MIPEP: variants seen among roughly 807,000 people sequenced by gnomAD.
MIPEP encodes the protein mitochondrial intermediate peptidase.
In MIPEP, 79 loss-of-function variants were observed where a neutral mutation model predicts 90.3. That is an observed-to-expected ratio of 0.87 (90% CI 0.73 to 1.05). MIPEP has a LOEUF of 1.05. MIPEP is among the 50% of genes least tolerant of loss of function. MIPEP has a pLI of 0.00. For missense variants in MIPEP, 940 were observed against 905.6 expected (o/e 1.04, Z -0.49); for synonymous variants, 334 against 315.8 (o/e 1.06, Z -0.61).
chr13:23,742,992 G>T (rs533459700), intron 18 of MIPEP, among the ~76,000 whole-genome samples: 1 of 152,248 alleles, frequency 6.6e-6, no homozygotes, highest in African/African-American at 2.4e-5. Flanking sequence ...TTTAAAAAGA[G>T]ATCAGAAATC....
At chr13:23,773,263 C>T (rs950386179) in intron 16 of MIPEP, among the ~76,000 whole-genome samples, 1 of 152,114 alleles carries the variant, frequency 6.6e-6, no homozygotes, top group Non-Finnish European at 1.5e-5. Context: ...TCGCACCGAG[C>T]GTAATGTTTT....
intron 18 of MIPEP, among the ~76,000 whole-genome samples, chr13:23,745,961 C>T (rs1046032950): frequency 2.7e-5 from 4 of 150,416 alleles, no homozygotes; most frequent in African/African-American, 7.3e-5. Flanking sequence ...TAGAACCAGA[C>T]GTTTGGGGAT....
At chr13:23,808,248 G>A (rs1275368862) in intron 15 of MIPEP, among the ~76,000 whole-genome samples, 1 of 151,986 alleles carries the variant, frequency 6.6e-6, no homozygotes, top group African/African-American at 2.4e-5. Flanking sequence ...ATAGGCGCCT[G>A]CCACCACGCC....
chr13:23,824,776 A>T (rs995993895), intron 14 of MIPEP, among the ~76,000 whole-genome samples: 2 of 152,268 alleles, frequency 1.3e-5, no homozygotes, highest in African/African-American at 4.8e-5. Flanking sequence ...CACAGGAAAT[A>T]CTACTTTTCA....
At chr13:23,850,109 G>A (rs534138858) in intron 10 of MIPEP, among the ~76,000 whole-genome samples, 4 of 152,304 alleles carry the variant, frequency 2.6e-5, no homozygotes, top group African/African-American at 9.6e-5. Flanking sequence ...CCTGCCGGAG[G>A]GCACGTGTGG....
At chr13:23,751,775 C>A (rs1297671379) in intron 18 of MIPEP, among the ~76,000 whole-genome samples, 1 of 152,122 alleles carries the variant, frequency 6.6e-6, no homozygotes, top group Non-Finnish European at 1.5e-5. Context: ...TCCATCAGGA[C>A]CCCCATGGCT....
At chr13:23,746,723 C>G (rs1952388428) in intron 18 of MIPEP, among the ~76,000 whole-genome samples, 1 of 151,824 alleles carries the variant, frequency 6.6e-6, no homozygotes. Context: ...CCATTCAGCA[C>G]TCAAAGCACT....
intron 16 of MIPEP, among the ~76,000 whole-genome samples, chr13:23,800,564 G>T (rs1412730335): frequency 6.6e-6 from 1 of 152,124 alleles, no homozygotes; most frequent in Non-Finnish European, 1.5e-5. Flanking sequence ...ACTGTTAGAT[G>T]GAATAGCAAG....
At position 23,849,482 on chromosome 13, in the gene MIPEP, A is replaced by G. The variant is rs1483851180; in HGVS notation, c.1107-7994T>C. On this transcript the variant is annotated intron_variant, in intron 10 of 18. Transcript: ENST00000382172. ...CTAGAACCCTTTGATTCCTCTGAAG[A>G]AAGAAAGTGGAAGAAAATTGTGTTA... 2.0e-5 allele frequency among the ~76,000 whole-genome samples: 3 copies of G among 152,368 alleles called. No homozygotes were observed. In the East Asian group the frequency reaches 5.8e-4, roughly 29 times the overall value.
chr13:23,821,755 A>G (rs568171596), intron 14 of MIPEP, among the ~76,000 whole-genome samples: 9 of 152,348 alleles, frequency 5.9e-5, no homozygotes, highest in Admixed American at 4.6e-4. Flanking sequence ...CTAGATGCAT[A>G]TCCTCTTATA....
chr13:23,778,203 T>A (rs2053411868), intron 16 of MIPEP, among the ~76,000 whole-genome samples: 1 of 152,174 alleles, frequency 6.6e-6, no homozygotes, highest in Non-Finnish European at 1.5e-5. Context: ...AATCAGCAAG[T>A]ATTTCAAAGC....
rs186568593 is a variant in MIPEP, at chr13:23,770,821, C to T, written c.1849-10604G>A. ...CTAATGAGTTTGTATTGTCCCTTTACAGTCTTCATAGAGAAAACTGGAGAG... is the reference window on the plus strand; with the variant it reads ...CTAATGAGTTTGTATTGTCCCTTTATAGTCTTCATAGAGAAAACTGGAGAG... On this transcript the variant is annotated intron_variant, in intron 16 of 18. Coordinates refer to ENST00000382172, the MANE Select transcript of MIPEP (RefSeq NM_005932.4). Among the ~76,000 whole-genome samples, 328 of 152,358 alleles carry T rather than the reference C, an allele frequency of 2.2e-3. 4 individuals carry two copies. The highest frequency in any genetic ancestry group is 7.5e-3 in the African/African-American group (311 of 41,576).
intron 16 of MIPEP, among the ~76,000 whole-genome samples, chr13:23,793,586 C>T (rs1404412220): frequency 2.6e-5 from 4 of 152,016 alleles, no homozygotes; most frequent in African/African-American, 9.7e-5. Context: ...ATACTACTAA[C>T]TGTTCAGGGC....
intron 14 of MIPEP, among the ~76,000 whole-genome samples, chr13:23,821,956 TC>T (rs1314960844): frequency 6.6e-6 from 1 of 152,150 alleles, no homozygotes; most frequent in African/African-American, 2.4e-5. Flanking sequence ...ATTTCAGGAT[TC>T]ATAAAGCATG....
Position 23,839,728 on chromosome 13 carries a change from T to C in MIPEP, c.1261-2A>G. Reference sequence around the variant, plus strand: ...TCCTTCAGATTCATGAACAACAGCCTAGAAAAAAAAATTTAAATTTGGTGG... The same window carrying C: ...TCCTTCAGATTCATGAACAACAGCCCAGAAAAAAAAATTTAAATTTGGTGG... On this transcript the variant is annotated splice_acceptor_variant, in intron 11 of 18. Coordinates refer to ENST00000382172, the MANE Select transcript of MIPEP (RefSeq NM_005932.4). LOFTEE classifies it high-confidence loss of function. 6.2e-7 allele frequency: 1 copy of C among 1,603,714 alleles called. No homozygotes were observed. The highest frequency in any genetic ancestry group is 8.5e-7 in the Non-Finnish European group (1 of 1,177,136).
rs1009735915 is a variant in MIPEP, at chr13:23,742,352, C to T, written c.2045-11907G>A. On this transcript the variant is annotated intron_variant, in intron 18 of 18. Coordinates refer to ENST00000382172, the MANE Select transcript of MIPEP (RefSeq NM_005932.4). Reference sequence around the variant, plus strand: ...TAAGAGATTACCCTGGGTTAAACAACTGGGTAAGGACCTCAGACTAATCAC... The same window carrying T: ...TAAGAGATTACCCTGGGTTAAACAATTGGGTAAGGACCTCAGACTAATCAC... Among the ~76,000 whole-genome samples, 13 of 152,346 alleles carry T rather than the reference C, an allele frequency of 8.5e-5. No individual in the cohort carries two copies. In the East Asian group the frequency reaches 2.5e-3, roughly 29 times the overall value.
At chr13:23,760,666 G>C in intron 16 of MIPEP, 2 of 474,488 alleles carry the variant, frequency 4.2e-6, no homozygotes, top group Non-Finnish European at 8.7e-6. Flanking sequence ...CTCCAAAACA[G>C]TGGGAAGTAA....
intron 16 of MIPEP, among the ~76,000 whole-genome samples, chr13:23,784,254 T>C (rs866754018): frequency 1.3e-5 from 2 of 152,236 alleles, no homozygotes; most frequent in African/African-American, 4.8e-5. Context: ...AAGGCTACGG[T>C]AACCAAAACA....
chr13:23,853,457 G>A (rs1180437589), intron 10 of MIPEP, among the ~76,000 whole-genome samples: 2 of 152,130 alleles, frequency 1.3e-5, no homozygotes. Flanking sequence ...TGTAGCCTAG[G>A]AGCGACAGGC....
Sources: allele counts gnomAD v4.1 joint callset (sites outside exome capture counted in the v4.1 genomes callset), GRCh38; gene constraint gnomAD v4.1.1; transcripts MANE v1.5; gene names NCBI Gene and HGNC (gene_info 2026-07-23, HGNC 2026-07-21).